Variants in TENM3 observed in about 807,000 individuals in gnomAD.
The protein encoded by TENM3 is teneurin-3.
In TENM3, 63 loss-of-function variants were observed where a neutral mutation model predicts 255.1. The observed-to-expected ratio is 0.25, with a 90% CI of 0.20 to 0.30. The LOEUF (loss-of-function observed/expected upper bound fraction) is 0.30, where lower values mean the gene tolerates loss of function less well. Among genes scored for constraint, TENM3 ranks in the 10% least tolerant of loss-of-function variants. TENM3 has a pLI of 1.00. For missense variants in TENM3, 2,929 were observed against 3,461.1 expected (o/e 0.85, Z 3.86); for synonymous variants, 1,306 against 1,322.3 (o/e 0.99, Z 0.27).
intron 3 of TENM3, among the ~76,000 whole-genome samples, chr4:182,526,812 A>G (rs1333410870): frequency 6.6e-6 from 1 of 152,176 alleles, no homozygotes; most frequent in African/African-American, 2.4e-5. Context: ...ACAGGTAGCT[A>G]CCGTTCTCAT....
chr4:181,744,536 G>A, the TENM3 span, among the ~76,000 whole-genome samples: 1 of 152,242 alleles, frequency 6.6e-6, no homozygotes, highest in South Asian at 2.1e-4. Context: ...CTGATGTGAT[G>A]TAGTATCTGA....
intron 3 of TENM3, among the ~76,000 whole-genome samples, chr4:182,543,487 T>C (rs934495367): frequency 6.6e-6 from 1 of 152,330 alleles, no homozygotes; most frequent in Admixed American, 6.5e-5. Context: ...TGAAGTAATA[T>C]AATAAGAATG....
chr4:182,660,425 GTTTC>G (rs1329593843), intron 6 of TENM3, among the ~76,000 whole-genome samples: 1 of 152,160 alleles, frequency 6.6e-6, no homozygotes, highest in Non-Finnish European at 1.5e-5. Flanking sequence ...CTCACCTCCT[GTTTC>G]TTTATAGGGT....
chr4:182,180,605 A>C (rs988599456), intron 1 of TENM3, among the ~76,000 whole-genome samples: 41 of 151,442 alleles, frequency 2.7e-4, no homozygotes, highest in Non-Finnish European at 5.5e-4. Flanking sequence ...TTCACTATGC[A>C]TGTAGAAATA....
rs2151765472 is a variant in TENM3, at chr4:182,518,709, A to G, written c.512-82215A>G. Among the ~76,000 whole-genome samples the G allele has an allele frequency of 3.9e-5, 6 of 152,296 alleles. 1 individual carries two copies. In the Middle Eastern group the frequency reaches 0.017, roughly 432 times the overall value. On this transcript the variant is annotated intron_variant, in intron 3 of 27. Coordinates refer to ENST00000511685, the MANE Select transcript of TENM3 (RefSeq NM_001080477.4). ...GACACCTTGATTTCAACCTGGTAAG[A>G]TCCTGAATAGAGGACCAGTAACTCA...
the TENM3 span, among the ~76,000 whole-genome samples, chr4:181,774,047 G>T: frequency 3.5e-5 from 4 of 115,088 alleles, no homozygotes; most frequent in Non-Finnish European, 7.0e-5. Context: ...CTAAGTTTTA[G>T]GGTACATGTG....
the TENM3 span, among the ~76,000 whole-genome samples, chr4:181,652,618 T>C: frequency 1.8e-3 from 274 of 152,356 alleles, 2 homozygotes; most frequent in African/African-American, 6.3e-3. Context: ...CTCTTTCTCA[T>C]GCATCCTGAC....
chr4:181,548,884 A>G, the TENM3 span, among the ~76,000 whole-genome samples: 1 of 152,202 alleles, frequency 6.6e-6, no homozygotes, highest in African/African-American at 2.4e-5. Context: ...GCAAATATGC[A>G]AGTTAATGAT....
chr4:181,995,540 A>C, the TENM3 span, among the ~76,000 whole-genome samples: 186 of 152,214 alleles, frequency 1.2e-3, no homozygotes, highest in African/African-American at 4.4e-3. Flanking sequence ...TTTACATGGG[A>C]GTTGGTTGTT....
chr4:181,809,347 A>G, the TENM3 span, among the ~76,000 whole-genome samples: 3 of 152,176 alleles, frequency 2.0e-5, no homozygotes, highest in Non-Finnish European at 2.9e-5. Flanking sequence ...GGGCTTTTTG[A>G]CCATAGGCCA....
chr4:182,696,362 A>C (rs1260052757), intron 12 of TENM3, among the ~76,000 whole-genome samples: 1 of 152,216 alleles, frequency 6.6e-6, no homozygotes, highest in East Asian at 1.9e-4. Flanking sequence ...ATAAAGAGGC[A>C]ATCAAAGAGT....
the TENM3 span, among the ~76,000 whole-genome samples, chr4:181,694,806 G>GA: frequency 2.6e-5 from 4 of 152,034 alleles, 1 homozygote; most frequent in South Asian, 6.2e-4. Context: ...CTATTTAAGA[G>GA]AAAAAAACAT....
chr4:182,342,719 A>T (rs1764560891), intron 2 of TENM3, among the ~76,000 whole-genome samples: 1 of 152,142 alleles, frequency 6.6e-6, no homozygotes, highest in African/African-American at 2.4e-5. Context: ...TCTAGATATT[A>T]GAGAAATCCA....
intron 3 of TENM3, among the ~76,000 whole-genome samples, chr4:182,580,318 G>A (rs1034284974): frequency 1.3e-5 from 2 of 149,936 alleles, no homozygotes; most frequent in Non-Finnish European, 3.0e-5. Context: ...GGGGAATAAT[G>A]CACTTAGAGG....
intron 1 of TENM3, among the ~76,000 whole-genome samples, chr4:182,172,979 G>A (rs931163344): frequency 4.6e-5 from 7 of 152,114 alleles, no homozygotes; most frequent in Non-Finnish European, 1.5e-5. Context: ...ACTTGACTTT[G>A]TGACCACATG....
Position 182,737,050 on chromosome 4 carries a change from A to C in TENM3, c.3210A>C (p.Lys1070Asn). Residue 1070 changes from lysine (K) to asparagine (N), a missense_variant, in exon 17 of 28, where the codon AAA (lysine) becomes AAC (asparagine). Lys to Asn is a moderately conservative substitution (Grantham distance 94, BLOSUM62 0). Around this residue, in one of 6 missense-constraint regions of TENM3, gnomAD observed 1,608 missense variants for 1,884.4 expected, o/e 0.85. Transcript: ENST00000511685. ...IWDKTDAYNQ[K>N]VYGLSEAVVS... ...ATAAAACAGATGCATATAATCAGAA[A>C]GTCTATGGTCTATCTGAAGCTGTTG... 6.2e-7 allele frequency: 1 copy of C among 1,613,790 alleles called. No individual in the cohort carries two copies. The highest frequency in any genetic ancestry group is 8.5e-7 in the Non-Finnish European group (1 of 1,179,784).
chr4:182,254,161 C>T (rs903660480), intron 1 of TENM3, among the ~76,000 whole-genome samples: 2 of 152,044 alleles, frequency 1.3e-5, no homozygotes, highest in Non-Finnish European at 2.9e-5. Flanking sequence ...AAACCTAATG[C>T]CCCTATGTGA....
intron 1 of TENM3, among the ~76,000 whole-genome samples, chr4:182,263,809 G>C (rs1364760603): frequency 6.6e-6 from 1 of 152,178 alleles, no homozygotes; most frequent in Non-Finnish European, 1.5e-5. Flanking sequence ...TCAGAGGTTG[G>C]ATTAAAGATG....
At chr4:182,204,697 G>A (rs975993444) in intron 1 of TENM3, among the ~76,000 whole-genome samples, 6 of 152,114 alleles carry the variant, frequency 3.9e-5, no homozygotes, top group African/African-American at 1.2e-4. Context: ...GGCTCTTGCA[G>A]ATTCCTGATA....
Sources: gnomAD v4.1 joint callset for allele counts (sites outside exome capture counted in the v4.1 genomes callset) on GRCh38, gnomAD v4.1.1 for gene constraint, gnomAD v4.1.1 regional missense constraint, MANE v1.5 for transcripts, NCBI Gene and HGNC (gene_info 2026-07-23, HGNC 2026-07-21) for gene names.